The following NUP133 variants were observed in gnomAD, a reference collection of about 807,000 sequenced individuals.
NUP133 encodes the protein nuclear pore complex protein Nup133.
NUP133 carries 66 observed loss-of-function variants against 146.2 expected under a neutral mutation model. That is an observed-to-expected ratio of 0.45 (90% CI 0.37 to 0.55). The LOEUF (loss-of-function observed/expected upper bound fraction) is 0.55. Among genes scored for constraint, NUP133 ranks in the 20% least tolerant of loss-of-function variants. The pLI, the probability that NUP133 is intolerant of heterozygous loss-of-function variation, is 0.00. For synonymous variants in NUP133, 521 were observed against 498.8 expected, an observed-to-expected ratio of 1.04 and a Z score of -0.59; for missense variants, 1,277 against 1,374.8, an observed-to-expected ratio of 0.93 and a Z score of 1.12.
At chr1:229,504,089 C>A (rs918944575) in intron 2 of NUP133, among the ~76,000 whole-genome samples, 9 of 151,956 alleles carry the variant, frequency 5.9e-5, no homozygotes, top group African/African-American at 2.2e-4. Flanking sequence ...GCAAGATGTG[C>A]CAAGTTCCAG....
At chr1:229,484,651 C>T (rs1260968033) in intron 11 of NUP133, among the ~76,000 whole-genome samples, 1 of 152,158 alleles carries the variant, frequency 6.6e-6, no homozygotes, top group East Asian at 1.9e-4. Flanking sequence ...TCTTACACGA[C>T]TCATCACAGT....
chr1:229,484,481 G>A (rs1462501551), intron 11 of NUP133, among the ~76,000 whole-genome samples: 1 of 152,126 alleles, frequency 6.6e-6, no homozygotes, highest in Non-Finnish European at 1.5e-5. Flanking sequence ...GACAAGCTTG[G>A]TCCATACCAA....
chr1:229,499,553 G>C, intron 5 of NUP133, 131 bp downstream of exon 5: 2 of 933,480 alleles, frequency 2.1e-6, no homozygotes, highest in Non-Finnish European at 3.1e-6. Context: ...GTTATTGCTT[G>C]AGCCCAGGAG....
chr1:229,461,467 A>C (rs894222248), intron 19 of NUP133, among the ~76,000 whole-genome samples: 2 of 152,276 alleles, frequency 1.3e-5, no homozygotes, highest in African/African-American at 4.8e-5. Context: ...ACAAGAGCTG[A>C]GACCGAGTCC....
intron 20 of NUP133, among the ~76,000 whole-genome samples, 185 bp downstream of exon 20, chr1:229,460,426 C>T (rs536816911): frequency 6.6e-6 from 1 of 152,314 alleles, no homozygotes; most frequent in East Asian, 1.9e-4. Flanking sequence ...ATCCACCTGC[C>T]TCAGCCTCCC....
chr1:229,466,333 A>T (rs35085232), intron 16 of NUP133, among the ~76,000 whole-genome samples: 27 of 135,296 alleles, frequency 2.0e-4, no homozygotes, highest in South Asian at 5.5e-4. Context: ...ACCTTCTCTC[A>T]GAAAAAAAAC....
intron 25 of NUP133, among the ~76,000 whole-genome samples, chr1:229,443,588 G>GA (rs1161610588): frequency 6.6e-6 from 1 of 151,966 alleles, no homozygotes. Context: ...CCTACCTTCA[G>GA]AATCTGTCCT....
intron 14 of NUP133, 105 bp from the exon 15 acceptor site, chr1:229,470,909 G>T: frequency 2.2e-6 from 2 of 919,642 alleles, no homozygotes; most frequent in Non-Finnish European, 3.4e-6. Flanking sequence ...ACTGGCCCCA[G>T]CTTTCCCCCA....
In NUP133 at chr1:229,484,056, G is replaced by A; in HGVS notation, c.1590C>T (p.Cys530=). 6.3e-7 allele frequency: 1 copy of A among 1,597,326 alleles called. No homozygotes were observed. Among genetic ancestry groups the A allele is most frequent in the Non-Finnish European group, 8.6e-7 (1 of 1,165,452 alleles). ...KLLKAAFLQY[C]RKDLGHAQMV... is the part of the protein sequence containing the mutation. The stretch of plus-strand genomic sequence containing the variant: ...ATAATTTAAAAAACATGTTATACCT[G>A]CAGTATTGCAGAAAGGCAGCTTTCA... The change falls in exon 12 of 26, where the codon TGC becomes TGT. Residue 530 remains cysteine, a splice_region_variant and synonymous_variant. Transcript: ENST00000261396.
intron 24 of NUP133, chr1:229,448,850 G>T: frequency 2.2e-6 from 1 of 448,024 alleles, no homozygotes; most frequent in Non-Finnish European, 4.0e-6. Flanking sequence ...TGGTCGGTGA[G>T]GAACACAGGC....
intron 24 of NUP133, among the ~76,000 whole-genome samples, chr1:229,446,121 T>C (rs1660295348): frequency 1.3e-5 from 2 of 152,124 alleles, no homozygotes; most frequent in Non-Finnish European, 1.5e-5. Flanking sequence ...GAGAAAGTAG[T>C]ACTTGCCAGG....
Position 229,469,680 on chromosome 1 carries a change from G to A in NUP133, c.2076+900C>T, listed in dbSNP as rs147841885. On this transcript the variant is annotated intron_variant, in intron 15 of 25. Coordinates refer to ENST00000261396, the MANE Select transcript of NUP133 (RefSeq NM_018230.3). The stretch of plus-strand genomic sequence containing the variant: ...GAGGGGCACAGCCAATGTAAAGTGC[G>A]CACAGGCAAGGAAGAAAGCTGGCAG... Among the ~76,000 whole-genome samples, 172 of 152,326 alleles carry A rather than the reference G, an allele frequency of 1.1e-3. 1 individual carries two copies. Among genetic ancestry groups the A allele is most frequent in the Non-Finnish European group, 1.7e-3 (116 of 68,030 alleles).
rs114227053 is a variant in NUP133, at chr1:229,443,561, A to T, written c.3334+1353T>A. On this transcript the variant is annotated intron_variant, in intron 25 of 25. Transcript: ENST00000261396. ...TGTCAATGCCTATGAAATATAATGCAAGGTTATCTGTATCTCCCTACCTTC... is the reference window on the plus strand; with the variant it reads ...TGTCAATGCCTATGAAATATAATGCTAGGTTATCTGTATCTCCCTACCTTC... 9.1e-3 allele frequency among the ~76,000 whole-genome samples: 1,378 copies of T among 152,212 alleles called. 20 individuals carry two copies. The highest frequency in any genetic ancestry group is 0.031 in the African/African-American group (1,302 of 41,526).
intron 22 of NUP133, 138 bp from the exon 23 acceptor site, chr1:229,450,743 T>TA: frequency 7.2e-6 from 3 of 415,078 alleles, no homozygotes. Flanking sequence ...TTGTTTTTTT[T>TA]GAGACAAAGT....
At chr1:229,493,620 G>C (rs1251097935) in intron 8 of NUP133, among the ~76,000 whole-genome samples, 3 of 152,178 alleles carry the variant, frequency 2.0e-5, no homozygotes, top group Non-Finnish European at 4.4e-5. Flanking sequence ...GTACAGTTCT[G>C]ATCATGAGGC....
chr1:229,473,223 C>T (rs1660999497), intron 14 of NUP133, among the ~76,000 whole-genome samples: 1 of 151,834 alleles, frequency 6.6e-6, no homozygotes, highest in Admixed American at 6.6e-5. Flanking sequence ...CTGCACTCCA[C>T]CTTGGGCAAC....
rs745540275 is a variant in NUP133, at chr1:229,470,656, G to A, written c.2000C>T (p.Ala667Val). ...HSRLSDLVNTAILIALNKREY... is the reference protein window; with the variant it reads ...HSRLSDLVNTVILIALNKREY... ...CCTCTTGTTCAAAGCAATCAATATG[G>A]CTGTGTTGACAAGGTCAGAAAGCCG... is the stretch of plus-strand genomic sequence containing the variant. Residue 667 changes from alanine (A) to valine (V), a missense_variant, in exon 15 of 26, where the codon GCC (alanine) becomes GTC (valine). Transcript: ENST00000261396. The A allele has an allele frequency of 6.2e-7, 1 of 1,614,154 alleles. No homozygotes were observed. Among genetic ancestry groups the A allele is most frequent in the Non-Finnish European group, 8.5e-7 (1 of 1,180,028 alleles).
chr1:229,466,542 T>C, intron 16 of NUP133, 92 bp downstream of exon 16: 1 of 1,359,762 alleles, frequency 7.4e-7, no homozygotes, highest in East Asian at 2.3e-5. Context: ...TTATACATTA[T>C]CGGCAATACA....
intron 12 of NUP133, 133 bp downstream of exon 12, chr1:229,483,920 TA>T: frequency 1.6e-6 from 1 of 617,326 alleles, no homozygotes; most frequent in Non-Finnish European, 2.8e-6. Context: ...ATTAAAGTGC[TA>T]AAGCTCAAAA....
Sources: allele counts gnomAD v4.1 joint callset (sites outside exome capture counted in the v4.1 genomes callset), GRCh38; gene constraint gnomAD v4.1.1; transcripts MANE v1.5; gene names NCBI Gene and HGNC (gene_info 2026-07-23, HGNC 2026-07-21).